RPE: variants seen among roughly 807,000 people sequenced by gnomAD.
RPE encodes the protein ribulose-5-phosphate-3-epimerase.
RPE carries 16 observed loss-of-function variants against 24.6 expected under a neutral mutation model. The ratio of observed to expected loss-of-function variants is 0.65; its 90% confidence interval spans 0.44 to 0.99. The LOEUF is 0.99. Ranked by LOEUF, RPE falls within the 50% of genes least tolerant of loss-of-function variation. RPE has a pLI of 0.00. For missense variants in RPE, 240 were observed against 294.5 expected, an observed-to-expected ratio of 0.81 and a Z score of 1.35; for synonymous variants, 93 against 98.4, an observed-to-expected ratio of 0.94 and a Z score of 0.33.
chr2:210,019,786 C>T lies in RPE; in HGVS notation c.682C>T (p.Arg228Trp), dbSNP rs754352929. The T allele has an allele frequency of 3.1e-6, 5 of 1,611,948 alleles. No individual in the cohort carries two copies. The highest frequency in any genetic ancestry group is 2.5e-6 in the Non-Finnish European group (3 of 1,178,696). The change falls in exon 6 of 6, where the codon CGG becomes TGG. Residue 228 changes from arginine (R) to tryptophan (W), a missense_variant. Physicochemically the swap from Arg to Trp is moderately radical, Grantham distance 101. Transcript: ENST00000359429. ...SEAAQKRSLDR is the reference protein window; with the variant it reads ...SEAAQKRSLDW Reference sequence around the variant, plus strand: ...AGCTGCTCAGAAACGTTCTCTTGATCGGTGAAACCATAAGGAGCCCAGTGT... The same window carrying T: ...AGCTGCTCAGAAACGTTCTCTTGATTGGTGAAACCATAAGGAGCCCAGTGT...
intron 2 of RPE, among the ~76,000 whole-genome samples, chr2:210,015,037 A>G (rs1255622233): frequency 6.6e-6 from 1 of 152,200 alleles, no homozygotes; most frequent in African/African-American, 2.4e-5. Context: ...GATGAATATC[A>G]GGTTTCTTGC....
intron 1 of RPE, chr2:210,003,597 A>G (rs1257143888): frequency 8.9e-6 from 4 of 448,586 alleles, no homozygotes; most frequent in Non-Finnish European, 1.5e-5. Flanking sequence ...TCAAGATTAC[A>G]GAAGATTGTG....
intron 5 of RPE, chr2:210,018,472 A>G: frequency 1.0e-6 from 1 of 984,996 alleles, no homozygotes; most frequent in Non-Finnish European, 1.2e-6. Context: ...TAGCACTGCA[A>G]GTGATTAAAG....
Position 210,016,509 on chromosome 2 carries a change from T to C in RPE, c.345T>C (p.Val115=). The part of the protein sequence containing the change: ...IKDIRENGMK[V]GLAIKPGTSV... The stretch of plus-strand genomic sequence containing the variant: ...TAGCATATTTGTGTCTGTTACAGGT[T>C]GGCCTTGCCATCAAACCAGGAACCT... Residue 115 remains valine, a splice_region_variant and synonymous_variant, in exon 4 of 6, where the codon GTT becomes GTC. Coordinates refer to ENST00000359429, the MANE Select transcript of RPE (RefSeq NM_199229.3). 6.2e-7 allele frequency: 1 copy of C among 1,614,292 alleles called. No individual in the cohort carries two copies.
intron 5 of RPE, 52 bp downstream of exon 5, chr2:210,017,611 C>G (rs1432333242): frequency 1.3e-6 from 2 of 1,522,402 alleles, no homozygotes; most frequent in African/African-American, 1.4e-5. Flanking sequence ...AAATATGTCT[C>G]CAGGACATTG....
At chr2:210,015,865 T>C in intron 2 of RPE, 108 bp from the exon 3 acceptor site, 4 of 1,082,716 alleles carry the variant, frequency 3.7e-6, no homozygotes, top group Non-Finnish European at 5.3e-6. Flanking sequence ...ATTTGTGTGA[T>C]GGCCAAAGAG....
chr2:210,003,082 T>G (rs2093583944), intron 1 of RPE, among the ~76,000 whole-genome samples: 1 of 152,134 alleles, frequency 6.6e-6, no homozygotes, highest in South Asian at 2.1e-4. Flanking sequence ...TTCTTCACTT[T>G]CAGCTAGAGA....
At chr2:210,014,428 T>A (rs977733571) in intron 2 of RPE, among the ~76,000 whole-genome samples, 1 of 152,182 alleles carries the variant, frequency 6.6e-6, no homozygotes, top group Non-Finnish European at 1.5e-5. Flanking sequence ...TTTCCTTGTT[T>A]ATGATGCAAA....
chr2:210,007,383 A>G (rs1445587650), intron 1 of RPE, among the ~76,000 whole-genome samples: 3 of 152,116 alleles, frequency 2.0e-5, no homozygotes, highest in Admixed American at 2.0e-4. Flanking sequence ...GCCACTTACC[A>G]AGTGGCAATT....
chr2:210,021,804 A>C lies in RPE; in HGVS notation c.*2013A>C, dbSNP rs1053818560. The C allele has an allele frequency of 6.6e-6, 1 of 151,710 alleles. No individual in the cohort carries two copies. Among genetic ancestry groups the C allele is most frequent in the Admixed American group, 6.6e-5 (1 of 15,178 alleles). The allele number at this position is 151,710 out of a possible 1,614,324, so 9.4% of individuals were successfully genotyped here. A position where few individuals can be genotyped will look rare whatever the true frequency, so the allele number is the denominator to read the frequency against. On this transcript the variant is annotated 3_prime_UTR_variant, in exon 6 of 6. Transcript: ENST00000359429. ...AAAATGGTTTAATAGCTTCAAAAGG[A>C]ATTTTCTTTCATGTATACTCTTCAG... is the stretch of plus-strand genomic sequence containing the variant.
At chr2:210,009,604 A>G in intron 1 of RPE, 53 bp from the exon 2 acceptor site, 1 of 1,607,306 alleles carries the variant, frequency 6.2e-7, no homozygotes, top group Admixed American at 1.7e-5. Flanking sequence ...ATTGAGAGAG[A>G]TACAGAAACT....
rs1488518016 is a variant in RPE, at chr2:210,017,324, T to C, written c.478-149T>C. 5 of 630,504 alleles carry C rather than the reference T, an allele frequency of 7.9e-6. No individual in the cohort carries two copies. The Admixed American group carries it at 8.9e-5, about 11-fold the overall frequency. 39.1% of individuals were successfully genotyped at this position (630,504 alleles called of 1,614,324 possible). Reference sequence around the variant, plus strand: ...AAAAACCAAGTGTTCCCCAGTAATATGTTGTATTGGTATAGTTATTGTGTG... The same window carrying C: ...AAAAACCAAGTGTTCCCCAGTAATACGTTGTATTGGTATAGTTATTGTGTG... On this transcript the variant is annotated intron_variant, in intron 4 of 5. Transcript: ENST00000359429.
chr2:210,005,464 T>G (rs1202197240), intron 1 of RPE, among the ~76,000 whole-genome samples: 2 of 151,966 alleles, frequency 1.3e-5, no homozygotes, highest in Non-Finnish European at 2.9e-5. Flanking sequence ...GTGGATTCTC[T>G]GGGGGAAAAA....
At chr2:210,017,728 A>AT in intron 5 of RPE, 169 bp downstream of exon 5, 2 of 458,148 alleles carry the variant, frequency 4.4e-6, no homozygotes, top group Non-Finnish European at 3.9e-6. Context: ...CCATAAGTGG[A>AT]TATGCTTTTT....
intron 1 of RPE, among the ~76,000 whole-genome samples, chr2:210,004,243 A>G (rs895648400): frequency 6.6e-6 from 1 of 152,220 alleles, no homozygotes; most frequent in Non-Finnish European, 1.5e-5. Flanking sequence ...GAGTAAGTTA[A>G]TGGTTGGGGA....
intron 1 of RPE, among the ~76,000 whole-genome samples, chr2:210,005,080 TC>T (rs778854789): frequency 6.6e-6 from 1 of 152,012 alleles, no homozygotes; most frequent in African/African-American, 2.4e-5. Flanking sequence ...TTCAGCTTCT[TC>T]CCTGATGTCT....
At chr2:210,005,868 A>G (rs985340691) in intron 1 of RPE, among the ~76,000 whole-genome samples, 2 of 152,170 alleles carry the variant, frequency 1.3e-5, no homozygotes, top group African/African-American at 4.8e-5. Context: ...TGTACCTTTT[A>G]TAGCAACTCT....
intron 2 of RPE, among the ~76,000 whole-genome samples, chr2:210,012,699 A>C (rs1414520613): frequency 1.3e-5 from 2 of 152,238 alleles, no homozygotes; most frequent in Non-Finnish European, 2.9e-5. Flanking sequence ...AAAAAATATT[A>C]ACTAAATGAG....
At position 210,016,511 on chromosome 2, in the gene RPE, G is replaced by T. The variant is rs368874076; in HGVS notation, c.347G>T (p.Gly116Val). 2 of 1,614,228 alleles carry T rather than the reference G, an allele frequency of 1.2e-6. No homozygotes were observed. Among genetic ancestry groups the T allele is most frequent in the Non-Finnish European group, 1.7e-6 (2 of 1,180,048 alleles). The stretch of plus-strand genomic sequence containing the variant: ...GCATATTTGTGTCTGTTACAGGTTG[G>T]CCTTGCCATCAAACCAGGAACCTCA... ...KDIRENGMKV[G>V]LAIKPGTSVE... is the part of the protein sequence containing the mutation. Residue 116 changes from glycine (G) to valine (V), a missense_variant, in exon 4 of 6, where the codon GGC becomes GTC. Gly to Val is a moderately radical substitution (Grantham distance 109, BLOSUM62 -3). Coordinates refer to ENST00000359429, the MANE Select transcript of RPE (RefSeq NM_199229.3).
Sources: allele counts gnomAD v4.1 joint callset (sites outside exome capture counted in the v4.1 genomes callset), GRCh38; gene constraint gnomAD v4.1.1; transcripts MANE v1.5; gene names NCBI Gene and HGNC (gene_info 2026-07-23, HGNC 2026-07-21).